OSGIN1: variants seen among roughly 807,000 people sequenced by gnomAD.
The protein encoded by OSGIN1 is oxidative stress-induced growth inhibitor 1.
OSGIN1 carries 19 observed loss-of-function variants against 20.1 expected under a neutral mutation model. The ratio of observed to expected loss-of-function variants is 0.95; its 90% CI spans 0.66 to 1.39. The LOEUF is 1.39. Ranked by LOEUF, OSGIN1 falls within the 40% of genes most tolerant of loss-of-function variation. The pLI is 0.00. For missense variants in OSGIN1, 820 were observed against 653.0 expected, an observed-to-expected ratio of 1.26 and a Z score of -2.79; for synonymous variants, 368 against 297.8, an observed-to-expected ratio of 1.24 and a Z score of -2.43.
chr16:83,965,665 C>T lies in OSGIN1; in HGVS notation c.1092C>T (p.His364=), dbSNP rs368402391. 350 of 1,613,402 alleles carry T rather than the reference C, an allele frequency of 2.2e-4. No individual in the cohort carries two copies. The highest frequency in any genetic ancestry group is 2.8e-4 in the Non-Finnish European group (330 of 1,180,040). Residue 364 remains histidine (H), a synonymous_variant, in exon 6 of 6, where the codon CAC becomes CAT. Coordinates refer to ENST00000393306, the MANE Select transcript of OSGIN1 (RefSeq NM_182981.3). ...AGGGTTACCGCAGCCTCCCCAGGCA[C>T]CAGCTGCTGTGCTTCAAGGAAGACT... ...PYEGYRSLPR[H]QLLCFKEDCQ...
At chr16:83,963,255 G>A (rs1431950860) in intron 5 of OSGIN1, among the ~76,000 whole-genome samples, 1 of 152,236 alleles carries the variant, frequency 6.6e-6, no homozygotes, top group African/African-American at 2.4e-5. Context: ...TGTAAGCACA[G>A]CCTTTTATAG....
rs1597185655 is a variant in OSGIN1, at chr16:83,965,682, A to T, written c.1109A>T (p.Lys370Met). ...CCCAGGCACCAGCTGCTGTGCTTCA[A>T]GGAAGACTGCCAGGCCGTGTTCCAG... Reference protein sequence around the residue: ...SLPRHQLLCFKEDCQAVFQDL... With the variant: ...SLPRHQLLCFMEDCQAVFQDL... Residue 370 changes from lysine (K) to methionine (M), a missense_variant, in exon 6 of 6, where the codon AAG becomes ATG. Coordinates refer to ENST00000393306, the MANE Select transcript of OSGIN1 (RefSeq NM_182981.3). 6.2e-7 allele frequency: 1 copy of T among 1,613,546 alleles called. No individual in the cohort carries two copies. Among genetic ancestry groups the T allele is most frequent in the East Asian group, 2.2e-5 (1 of 44,876 alleles).
At chr16:83,957,237 G>C (rs1333419378) in intron 1 of OSGIN1, 2 of 175,766 alleles carry the variant, frequency 1.1e-5, no homozygotes, top group African/African-American at 4.8e-5. Context: ...GGCCACACTG[G>C]GACTCGAGGA....
chr16:83,959,643 G>C (rs952977805), intron 3 of OSGIN1, among the ~76,000 whole-genome samples: 1 of 152,122 alleles, frequency 6.6e-6, no homozygotes, highest in Non-Finnish European at 1.5e-5. Context: ...TTTTCTCCTC[G>C]GGGGGCACCT....
chr16:83,959,514 A>T (rs1235317877), intron 3 of OSGIN1, 118 bp downstream of exon 3: 3 of 1,018,820 alleles, frequency 2.9e-6, no homozygotes, highest in Non-Finnish European at 4.2e-6. Context: ...TAAACAAAGA[A>T]TTCGAGAGTC....
rs1303362769 is a variant in OSGIN1, at chr16:83,965,904, C to T, written c.1331C>T (p.Ala444Val). 1.9e-6 allele frequency: 3 copies of T among 1,612,736 alleles called. No individual in the cohort carries two copies. Among genetic ancestry groups the T allele is most frequent in the Non-Finnish European group, 2.5e-6 (3 of 1,180,002 alleles). ...AGCACCCGCCAGGAGGGCCTGTACG[C>T]CATGGGGCCGCTGGCCGGGGACAAC... ...YQSTRQEGLYAMGPLAGDNFV... is the reference protein window; with the variant it reads ...YQSTRQEGLYVMGPLAGDNFV... Residue 444 changes from alanine (A) to valine (V), a missense_variant, in exon 6 of 6, where the codon GCC (alanine) becomes GTC (valine). Coordinates refer to ENST00000393306, the MANE Select transcript of OSGIN1 (RefSeq NM_182981.3).
rs1232874870 is a variant in OSGIN1, at chr16:83,960,613, C to A, written c.249C>A (p.Ser83Arg). ...LSEGLEGRSQ[S>R]PVALLFDALL... is the part of the protein sequence containing the mutation. ...AAGGCCTCGAAGGCCGATCCCAAAG[C>A]CCCGTGGCCCTGCTCTTTGATGCCC... Residue 83 changes from serine (S) to arginine (R), a missense_variant, in exon 4 of 6, where the codon AGC becomes AGA. Transcript: ENST00000393306. 1 of 1,613,494 alleles carries A rather than the reference C, an allele frequency of 6.2e-7. No individual in the cohort carries two copies.
intron 1 of OSGIN1, among the ~76,000 whole-genome samples, chr16:83,955,997 C>T (rs960697720): frequency 1.6e-4 from 24 of 152,214 alleles, no homozygotes; most frequent in Non-Finnish European, 2.9e-5. Context: ...ACCCCTTCCC[C>T]GCTAGGCACA....
At chr16:83,959,146 T>G in intron 2 of OSGIN1, 114 bp from the exon 3 acceptor site, 1 of 749,668 alleles carries the variant, frequency 1.3e-6, no homozygotes, top group Non-Finnish European at 2.3e-6. Flanking sequence ...AAATATTTAT[T>G]TTTATGAATG....
intron 5 of OSGIN1, among the ~76,000 whole-genome samples, chr16:83,962,682 G>A (rs540125463): frequency 2.0e-5 from 3 of 152,352 alleles, no homozygotes; most frequent in South Asian, 4.1e-4. Context: ...ATCACTATAT[G>A]TAAGATGGAC....
chr16:83,964,515 G>C (rs900171883), intron 5 of OSGIN1, among the ~76,000 whole-genome samples: 8 of 151,936 alleles, frequency 5.3e-5, no homozygotes, highest in African/African-American at 1.9e-4. Context: ...TTGACATCCA[G>C]CTCCATAGAT....
intron 4 of OSGIN1, 55 bp downstream of exon 4, chr16:83,960,815 C>A (rs146903520): frequency 1.9e-6 from 3 of 1,570,830 alleles, no homozygotes. Flanking sequence ...TCGTTCTCCC[C>A]ACTTGGGGCT....
Position 83,965,206 on chromosome 16 carries a change from T to G in OSGIN1, c.633T>G (p.Cys211Trp). ...GGGGGACCCCCGATCCCAGCAGCTG[T>G]GGGGCCCAGGACTCCAGCCCCCTCT... The part of the protein sequence containing the change: ...VEWGTPDPSS[C>W]GAQDSSPLFQ... The change falls in exon 6 of 6, where the codon TGT (cysteine) becomes TGG (tryptophan). Residue 211 changes from cysteine to tryptophan, a missense_variant. By Grantham distance (215) the Cys-to-Trp change is radical. Transcript: ENST00000393306. The G allele has an allele frequency of 6.2e-7, 1 of 1,613,104 alleles. No homozygotes were observed. The highest frequency in any genetic ancestry group is 8.5e-7 in the Non-Finnish European group (1 of 1,179,992).
chr16:83,961,320 G>T (rs2084208846), intron 5 of OSGIN1: 1 of 466,534 alleles, frequency 2.1e-6, no homozygotes, highest in South Asian at 2.3e-5. Context: ...GGTCTGGAAA[G>T]CTGGGCCAGC....
In OSGIN1 at chr16:83,961,086, G is replaced by C. The variant is rs373351317; in HGVS notation, c.488+14G>C. The C allele has an allele frequency of 5.6e-6, 9 of 1,603,028 alleles. No homozygotes were observed. The African/African-American group carries it at 1.2e-4, about 21-fold the overall frequency. Reference sequence around the variant, plus strand: ...GAAGAAGCGAAGGTGAGGCCGCCCCGGAACGCCTTGGGGGACACGGAAGGT... The same window carrying C: ...GAAGAAGCGAAGGTGAGGCCGCCCCCGAACGCCTTGGGGGACACGGAAGGT... On this transcript the variant is annotated intron_variant, in intron 5 of 5. Coordinates refer to ENST00000393306, the MANE Select transcript of OSGIN1 (RefSeq NM_182981.3).
intron 2 of OSGIN1, 122 bp from the exon 3 acceptor site, chr16:83,959,138 A>G (rs1909079024): frequency 1.4e-6 from 1 of 730,948 alleles, no homozygotes; most frequent in Non-Finnish European, 2.4e-6. Flanking sequence ...GGCTTAATAA[A>G]TATTTATTTT....
At chr16:83,961,349 G>T (rs2084209224) in intron 5 of OSGIN1, 2 of 426,530 alleles carry the variant, frequency 4.7e-6, no homozygotes, top group Non-Finnish European at 8.6e-6. Flanking sequence ...AAGGCAGGAA[G>T]TGGGGAGGGG....
In OSGIN1 at chr16:83,965,334, G is replaced by A. The variant is rs369392211; in HGVS notation, c.761G>A (p.Arg254Gln). The A allele has an allele frequency of 5.8e-5, 91 of 1,573,862 alleles. No individual in the cohort carries two copies. The highest frequency in any genetic ancestry group is 1.1e-4 in the African/African-American group (8 of 74,290). Residue 254 changes from arginine (R) to glutamine (Q), a missense_variant, in exon 6 of 6, where the codon CGG becomes CAG. Coordinates refer to ENST00000393306, the MANE Select transcript of OSGIN1 (RefSeq NM_182981.3). ...ACAGGCACGTTCGACAGCCCGGCCC[G>A]GCTGGGCATCCCCGGGGAGGCCCTG... ...LATGTFDSPARLGIPGEALPF... is the reference protein window; with the variant it reads ...LATGTFDSPAQLGIPGEALPF...
At chr16:83,961,733 C>T (rs530689344) in intron 5 of OSGIN1, among the ~76,000 whole-genome samples, 20 of 152,220 alleles carry the variant, frequency 1.3e-4, no homozygotes, top group African/African-American at 3.6e-4. Context: ...CCCCCTGTCC[C>T]GTGCAAGCAG....
Sources: allele counts gnomAD v4.1 joint callset (sites outside exome capture counted in the v4.1 genomes callset), GRCh38; gene constraint gnomAD v4.1.1; transcripts MANE v1.5; gene names NCBI Gene and HGNC (gene_info 2026-07-23, HGNC 2026-07-21).